GPRC5C: variants seen among roughly 807,000 people sequenced by gnomAD.
GPRC5C encodes G protein-coupled receptor class C group 5 member C, also known as G protein-coupled receptor family C group 5 member C.
Under a neutral mutation model 31.4 loss-of-function variants are expected in GPRC5C, and 22 were observed. That is an observed-to-expected ratio of 0.70 (90% CI 0.50 to 1.00). The LOEUF (loss-of-function observed/expected upper bound fraction) is 1.00, where lower values mean the gene tolerates loss of function less well. Ranked by LOEUF, GPRC5C falls within the 50% of genes least tolerant of loss-of-function variation. The probability of loss-of-function intolerance (pLI) is 0.00; values close to 1 mark genes in which losing one functional copy is unlikely to be tolerated. For missense variants in GPRC5C, 557 were observed against 597.2 expected (o/e 0.93, Z 0.70); for synonymous variants, 249 against 257.5 (o/e 0.97, Z 0.32).
chr17:74,432,641 A>T (rs1598424760), intron 1 of GPRC5C: 1 of 383,662 alleles, frequency 2.6e-6, no homozygotes, highest in South Asian at 1.1e-4. Context: ...CGCCGCGCCA[A>T]CTCCGCTCGG....
At chr17:74,441,300 T>C (rs1204059036) in intron 2 of GPRC5C, among the ~76,000 whole-genome samples, 1 of 152,022 alleles carries the variant, frequency 6.6e-6, no homozygotes, top group Non-Finnish European at 1.5e-5. Context: ...AAATAAGATT[T>C]TTTTTCTATA....
rs111729746 is a variant in GPRC5C at position 74,433,592 on chromosome 17, C to T, written c.-33+1451C>T. 547 of 854,138 alleles carry T rather than the reference C, an allele frequency of 6.4e-4. No individual in the cohort carries two copies. In the African/African-American group the frequency reaches 7.8e-3, roughly 12 times the overall value. 52.9% of individuals were successfully genotyped at this position (854,138 alleles called of 1,614,324 possible). A position where few individuals can be genotyped will look rare whatever the true frequency, so the allele number is the denominator to read the frequency against. On this transcript the variant is annotated intron_variant, in intron 1 of 3. Coordinates refer to ENST00000392627, the MANE Select transcript of GPRC5C (RefSeq NM_022036.4). ...GACCTAACCAGGGACTGGGAGAGACCGATAGGAGTGGAGGCAGGAAGGCTG... is the reference window on the plus strand; with the variant it reads ...GACCTAACCAGGGACTGGGAGAGACTGATAGGAGTGGAGGCAGGAAGGCTG...
Position 74,439,753 on chromosome 17 carries a change from C to G in GPRC5C, c.-24C>G, listed in dbSNP as rs756216633. On this transcript the variant is annotated 5_prime_UTR_variant, in exon 2 of 4. Coordinates refer to ENST00000392627, the MANE Select transcript of GPRC5C (RefSeq NM_022036.4). ...TTTCCTTCTGTCTCTAGGGACCCAA[C>G]CAGAGCCTGGCCTGGGAGCCAGGAT... is the stretch of plus-strand genomic sequence containing the variant. 8 of 1,606,158 alleles carry G rather than the reference C, an allele frequency of 5.0e-6. No homozygotes were observed. Among genetic ancestry groups the G allele is most frequent in the East Asian group, 4.5e-5 (2 of 44,698 alleles).
intron 2 of GPRC5C, among the ~76,000 whole-genome samples, chr17:74,442,744 GC>G (rs2055560500): frequency 6.6e-6 from 1 of 152,220 alleles, no homozygotes; most frequent in Admixed American, 6.5e-5. Flanking sequence ...CCCTTGTCCT[GC>G]CGGGCACTTG....
At chr17:74,451,316 C>T (rs1321091807), downstream of GPRC5C, 1 of 152,194 alleles carries the variant, frequency 6.6e-6, no homozygotes, top group Non-Finnish European at 1.5e-5. Context: ...GGGGTCTGCG[C>T]GTGAGGCTCA....
downstream of GPRC5C, chr17:74,449,318 C>T (rs1376026286): frequency 1.5e-6 from 2 of 1,296,710 alleles, no homozygotes; most frequent in Non-Finnish European, 2.0e-6. Context: ...GACTCTTGTT[C>T]TTTCTGGTCA....
At chr17:74,439,481 G>T (rs2055492098) in intron 1 of GPRC5C, among the ~76,000 whole-genome samples, 1 of 152,198 alleles carries the variant, frequency 6.6e-6, no homozygotes. Context: ...TTGGTGGAAG[G>T]GAGGGAACTG....
At position 74,432,113 on chromosome 17, in the gene GPRC5C, CG is replaced by C; in HGVS notation, c.-59del. On this transcript the variant is annotated 5_prime_UTR_variant, in exon 1 of 4. Coordinates refer to ENST00000392627, the MANE Select transcript of GPRC5C (RefSeq NM_022036.4). The stretch of plus-strand genomic sequence containing the variant: ...AGAAACTCCCATCTCCCTCACCAGC[CG>C]GAAAGTACGAGTCGGCTCAGCCTGG... 6.2e-7 allele frequency: 1 copy of C among 1,613,418 alleles called. No individual in the cohort carries two copies. Among genetic ancestry groups the C allele is most frequent in the Non-Finnish European group, 8.5e-7 (1 of 1,179,826 alleles).
At chr17:74,434,559 C>T (rs1303934503) in intron 1 of GPRC5C, among the ~76,000 whole-genome samples, 1 of 152,204 alleles carries the variant, frequency 6.6e-6, no homozygotes, top group Non-Finnish European at 1.5e-5. Context: ...GAAGTTTCCT[C>T]CAGGGTCCTG....
downstream of GPRC5C, chr17:74,450,053 T>G (rs1380619508): frequency 6.6e-6 from 1 of 152,440 alleles, no homozygotes; most frequent in Non-Finnish European, 1.5e-5. Context: ...ACAAAGCAGT[T>G]TCCACAAGCA....
intron 1 of GPRC5C, chr17:74,433,598 G>C (rs957319448): frequency 1.1e-6 from 1 of 882,014 alleles, no homozygotes; most frequent in Non-Finnish European, 1.9e-6. Flanking sequence ...AGACCGATAG[G>C]AGTGGAGGCA....
At position 74,440,420 on chromosome 17, in the gene GPRC5C, A is replaced by G. The variant is rs1414099497; in HGVS notation, c.644A>G (p.Tyr215Cys). 6.2e-7 allele frequency: 1 copy of G among 1,613,680 alleles called. No individual in the cohort carries two copies. Among genetic ancestry groups the G allele is most frequent in the Non-Finnish European group, 8.5e-7 (1 of 1,179,868 alleles). ...ANMDFVMALI[Y>C]VMLLLLGAFL... Reference sequence around the variant, plus strand: ...ATGGACTTTGTCATGGCACTCATCTACGTCATGCTGCTGCTGCTGGGTGCC... The same window carrying G: ...ATGGACTTTGTCATGGCACTCATCTGCGTCATGCTGCTGCTGCTGGGTGCC... The change falls in exon 2 of 4, where the codon TAC becomes TGC. Residue 215 changes from tyrosine (Y) to cysteine (C), a missense_variant. Physicochemically the swap from Tyr to Cys is radical, Grantham distance 194. Transcript: ENST00000392627. This position sits in a 1 kb window ranked among gnomAD's most constrained non-coding sequence, Gnocchi z 4.4.
intron 1 of GPRC5C, chr17:74,432,481 G>A (rs2055368364): frequency 1.3e-5 from 14 of 1,048,324 alleles, no homozygotes; most frequent in Non-Finnish European, 1.6e-5. Context: ...GCTGGAGTTG[G>A]CCCCAAACGC....
rs111952345 is a variant in GPRC5C at position 74,432,632 on chromosome 17, G to C, written c.-33+491G>C. ...ACTGGACATCCTGCGGGCTGGGGAC[G>C]CCGCGCCAACTCCGCTCGGTCGCTG... is the stretch of plus-strand genomic sequence containing the variant. On this transcript the variant is annotated intron_variant, in intron 1 of 3. Coordinates refer to ENST00000392627, the MANE Select transcript of GPRC5C (RefSeq NM_022036.4). 7.6e-3 allele frequency: 4,372 copies of C among 576,100 alleles called. 31 individuals carry two copies. The highest frequency in any genetic ancestry group is 0.018 in the Middle Eastern group (20 of 1,116). 35.7% of individuals were successfully genotyped at this position (576,100 alleles called of 1,614,324 possible).
rs570312100 is a variant in GPRC5C at position 74,443,282 on chromosome 17, C to G, written c.1052-536C>G. 8 of 236,818 alleles carry G rather than the reference C, an allele frequency of 3.4e-5. No homozygotes were observed. The South Asian group carries it at 3.5e-4, about 10-fold the overall frequency. The allele number at this position is 236,818 out of a possible 1,614,324, so 14.7% of individuals were successfully genotyped here. A position where few individuals can be genotyped will look rare whatever the true frequency, so the allele number is the denominator to read the frequency against. Reference sequence around the variant, plus strand: ...CCAGGGGGCCACAGGCTGGGACGTGCGTTAAGGCTCCCTGGCCAGGCTCTG... The same window carrying G: ...CCAGGGGGCCACAGGCTGGGACGTGGGTTAAGGCTCCCTGGCCAGGCTCTG... On this transcript the variant is annotated intron_variant, in intron 2 of 3. Transcript: ENST00000392627.
At chr17:74,432,193 C>A in intron 1 of GPRC5C, 52 bp downstream of exon 1, 1 of 1,578,446 alleles carries the variant, frequency 6.3e-7, no homozygotes, top group Non-Finnish European at 8.6e-7. Context: ...GTAAACGGAG[C>A]GCACGTACCT....
downstream of GPRC5C, chr17:74,448,736 A>G (rs1415558443): frequency 3.8e-6 from 2 of 521,130 alleles, no homozygotes; most frequent in East Asian, 6.8e-5. Context: ...CTAGTATTCT[A>G]TCCCTTTTCC....
In GPRC5C at chr17:74,439,931, T is replaced by C. The variant is rs2055500099; in HGVS notation, c.155T>C (p.Val52Ala). The change falls in exon 2 of 4, where the codon GTC becomes GCC. Residue 52 changes from valine (V) to alanine (A), a missense_variant. Coordinates refer to ENST00000392627, the MANE Select transcript of GPRC5C (RefSeq NM_022036.4). ...LCDRSGAWGI[V>A]LEAVAGAGIV... ...GACCGCTCTGGGGCGTGGGGCATCGTCCTGGAGGCCGTGGCTGGGGCGGGC... is the reference window on the plus strand; with the variant it reads ...GACCGCTCTGGGGCGTGGGGCATCGCCCTGGAGGCCGTGGCTGGGGCGGGC... 1.2e-6 allele frequency: 2 copies of C among 1,612,038 alleles called. No homozygotes were observed. The highest frequency in any genetic ancestry group is 1.7e-6 in the Non-Finnish European group (2 of 1,179,998).
chr17:74,450,497 G>A (rs2055703478), downstream of GPRC5C: 1 of 152,242 alleles, frequency 6.6e-6, no homozygotes. Flanking sequence ...AGATTATGCT[G>A]TTTCCTAATG....
Sources: allele counts gnomAD v4.1 joint callset (sites outside exome capture counted in the v4.1 genomes callset), GRCh38; gene constraint gnomAD v4.1.1; non-coding constraint Gnocchi (gnomAD v3.1); transcripts MANE v1.5; gene names NCBI Gene and HGNC (gene_info 2026-07-23, HGNC 2026-07-21).